The following CSMD1 variants were observed in gnomAD, a reference collection of about 807,000 sequenced individuals.
The protein encoded by CSMD1 is CUB and sushi domain-containing protein 1.
Under a neutral mutation model 417.5 loss-of-function variants are expected in CSMD1, and 213 were observed. That is an observed-to-expected ratio of 0.51 (90% CI 0.46 to 0.57). CSMD1 has a LOEUF of 0.57. Among genes scored for constraint, CSMD1 ranks in the 20% least tolerant of loss-of-function variants. CSMD1 has a pLI of 0.00. For synonymous variants in CSMD1, 2,862 were observed against 1,736.8 expected (o/e 1.65, Z -16.11); for missense variants, 6,923 against 4,529.7 (o/e 1.53, Z -15.17).
intron 12 of CSMD1, among the ~76,000 whole-genome samples, chr8:3,430,048 A>T (rs1272077521): frequency 6.6e-6 from 1 of 152,156 alleles, no homozygotes; most frequent in African/African-American, 2.4e-5. Context: ...GAACAAAAAT[A>T]TAATTGCCAA....
At chr8:4,733,524 G>C (rs1254328782) in intron 1 of CSMD1, among the ~76,000 whole-genome samples, 1 of 152,198 alleles carries the variant, frequency 6.6e-6, no homozygotes, top group African/African-American at 2.4e-5. Flanking sequence ...GTGCAACAAG[G>C]AAGATAGATA....
At chr8:3,768,078 T>C (rs1798382923) in intron 5 of CSMD1, among the ~76,000 whole-genome samples, 1 of 152,088 alleles carries the variant, frequency 6.6e-6, no homozygotes, top group Non-Finnish European at 1.5e-5. Flanking sequence ...ACGGTCCATA[T>C]GATTTAGAGT....
intron 10 of CSMD1, among the ~76,000 whole-genome samples, chr8:3,494,579 GATAGATA>G (rs1796284773): frequency 6.7e-6 from 1 of 149,888 alleles, no homozygotes; most frequent in Non-Finnish European, 1.5e-5. Flanking sequence ...TAGATAGATA[GATAGATA>G]GATAGATAGA....
intron 3 of CSMD1, among the ~76,000 whole-genome samples, chr8:4,152,605 G>A (rs939955892): frequency 6.6e-6 from 1 of 151,834 alleles, no homozygotes; most frequent in Admixed American, 6.6e-5. Flanking sequence ...TGGGAAGATC[G>A]TTTGAGCCTA....
intron 5 of CSMD1, among the ~76,000 whole-genome samples, chr8:3,945,715 C>G (rs549408996): frequency 2.0e-5 from 3 of 152,048 alleles, no homozygotes; most frequent in Non-Finnish European, 4.4e-5. Flanking sequence ...AAGCTCATTT[C>G]CTTACCTTAG....
chr8:4,029,720 A>C (rs893302072), intron 4 of CSMD1, among the ~76,000 whole-genome samples: 1 of 152,018 alleles, frequency 6.6e-6, no homozygotes, highest in Admixed American at 6.6e-5. Context: ...CAGTCCCCCA[A>C]AGTCTTAACT....
intron 2 of CSMD1, among the ~76,000 whole-genome samples, chr8:4,512,348 A>G (rs977794598): frequency 1.3e-5 from 2 of 152,180 alleles, no homozygotes; most frequent in African/African-American, 2.4e-5. Context: ...CTTAATGAAA[A>G]CTCAAAGCTT....
In CSMD1 at chr8:3,445,386, C is replaced by A. The variant is rs115162199; in HGVS notation, c.1561+23326G>T. Among the ~76,000 whole-genome samples the A allele has an allele frequency of 7.3e-3, 1,107 of 152,268 alleles. 17 individuals are homozygous for A. Among genetic ancestry groups the A allele is most frequent in the African/African-American group, 0.025 (1,039 of 41,548 alleles). On this transcript the variant is annotated intron_variant, in intron 12 of 69. Coordinates refer to ENST00000635120, the MANE Select transcript of CSMD1 (RefSeq NM_033225.6). ...TGTTACCATCTTATTTTCACAAACA[C>A]TCAAGAGGCAGATATGACTGTGCCT...
At chr8:4,801,409 G>A (rs1370529605) in intron 1 of CSMD1, among the ~76,000 whole-genome samples, 1 of 151,954 alleles carries the variant, frequency 6.6e-6, no homozygotes, top group East Asian at 1.9e-4. Context: ...CTCCCCGTGG[G>A]TTCTATTTCG....
intron 1 of CSMD1, among the ~76,000 whole-genome samples, chr8:4,965,527 G>C (rs17071935): frequency 0.061 from 9,294 of 152,226 alleles, 468 homozygotes; most frequent in East Asian, 0.14. Flanking sequence ...TGGGGCATGT[G>C]GCCCTGGCCA....
intron 1 of CSMD1, among the ~76,000 whole-genome samples, chr8:4,965,009 G>C (rs7820147): frequency 0.41 from 61,617 of 151,956 alleles, 12,874 homozygotes; most frequent in Non-Finnish European, 0.44. Flanking sequence ...TTCAAAAACT[G>C]TCCTCCACAA....
In CSMD1 at chr8:3,778,119, C is replaced by A. The variant is rs1278841156; in HGVS notation, c.819-24077G>T. Among the ~76,000 whole-genome samples the A allele has an allele frequency of 3.9e-5, 6 of 152,330 alleles. No individual in the cohort carries two copies. In the South Asian group the frequency reaches 1.2e-3, roughly 32 times the overall value. The stretch of plus-strand genomic sequence containing the variant: ...GCCCAGAGCATTATCTTGAGAAAGA[C>A]TTTGAGACTCAGTTTGGAGTCAGTG... On this transcript the variant is annotated intron_variant, in intron 5 of 69. Coordinates refer to ENST00000635120, the MANE Select transcript of CSMD1 (RefSeq NM_033225.6).
chr8:3,873,740 A>G (rs77656133), intron 5 of CSMD1, among the ~76,000 whole-genome samples: 1 of 152,212 alleles, frequency 6.6e-6, no homozygotes, highest in South Asian at 2.1e-4. Flanking sequence ...TTTTCTCAGT[A>G]TTAAGGATAC....
chr8:3,660,931 G>C (rs1438845165), intron 7 of CSMD1, among the ~76,000 whole-genome samples: 2 of 152,162 alleles, frequency 1.3e-5, no homozygotes, highest in Non-Finnish European at 2.9e-5. Flanking sequence ...AGTTTCTTGA[G>C]TTCCTGCACA....
chr8:4,381,525 G>A (rs938766964), intron 3 of CSMD1, among the ~76,000 whole-genome samples: 2 of 152,044 alleles, frequency 1.3e-5, no homozygotes, highest in Non-Finnish European at 2.9e-5. Flanking sequence ...TCATTATATT[G>A]AGGTTGGTAG....
intron 7 of CSMD1, among the ~76,000 whole-genome samples, chr8:3,632,304 T>C (rs1342129249): frequency 6.6e-6 from 1 of 152,114 alleles, no homozygotes; most frequent in African/African-American, 2.4e-5. Context: ...TTCCATCTCA[T>C]AGGTAAAGCC....
intron 2 of CSMD1, among the ~76,000 whole-genome samples, chr8:4,546,754 T>G (rs1797656299): frequency 6.6e-6 from 1 of 152,090 alleles, no homozygotes; most frequent in African/African-American, 2.4e-5. Flanking sequence ...TATATATGTG[T>G]ATGCATATAA....
At chr8:3,965,585 A>G (rs1283444820) in intron 5 of CSMD1, among the ~76,000 whole-genome samples, 1 of 152,036 alleles carries the variant, frequency 6.6e-6, no homozygotes, top group Non-Finnish European at 1.5e-5. Flanking sequence ...CTTAGTGTTA[A>G]TGGTTATGAT....
intron 3 of CSMD1, among the ~76,000 whole-genome samples, chr8:4,181,395 G>A (rs540314582): frequency 1.3e-5 from 2 of 151,190 alleles, no homozygotes; most frequent in South Asian, 2.1e-4. Context: ...TAAACTATAA[G>A]GCAGGGTTCT....
Sources: gnomAD v4.1 joint callset for allele counts (sites outside exome capture counted in the v4.1 genomes callset) on GRCh38, gnomAD v4.1.1 for gene constraint, MANE v1.5 for transcripts, NCBI Gene and HGNC (gene_info 2026-07-23, HGNC 2026-07-21) for gene names.